The following IQGAP3 variants were observed in gnomAD, a reference collection of about 807,000 sequenced individuals.
IQGAP3 encodes IQ motif containing GTPase activating protein 3.
A neutral mutation model predicts 208.2 loss-of-function variants in IQGAP3; 165 were observed. That is an observed-to-expected ratio of 0.79 (90% CI 0.70 to 0.90). IQGAP3 has a LOEUF of 0.90. IQGAP3 is among the 40% of genes least tolerant of loss of function. IQGAP3 has a pLI of 0.00. For synonymous variants in IQGAP3, 703 were observed against 803.6 expected, an observed-to-expected ratio of 0.87 and a Z score of 2.12; for missense variants, 1,811 against 2,043.1, an observed-to-expected ratio of 0.89 and a Z score of 2.19.
Position 156,527,472 on chromosome 1 carries a change from C to T in IQGAP3, c.4782+480G>A, listed in dbSNP as rs146670142. On this transcript the variant is annotated intron_variant, in intron 37 of 37. Transcript: ENST00000361170. ...CAGCCTGGGTGACGGAGTAAGGCTCCGTCTCAAGAAAACAAACAAACAAAA... is the reference window on the plus strand; with the variant it reads ...CAGCCTGGGTGACGGAGTAAGGCTCTGTCTCAAGAAAACAAACAAACAAAA... Among the ~76,000 whole-genome samples the T allele has an allele frequency of 6.2e-3, 949 of 152,106 alleles. 19 individuals are homozygous for T. Among genetic ancestry groups the T allele is most frequent in the African/African-American group, 0.022 (905 of 41,518 alleles).
rs149973217 is a variant in IQGAP3, at chr1:156,531,549, C to G, written c.4104-302G>C. Among the ~76,000 whole-genome samples the G allele has an allele frequency of 9.3e-4, 141 of 151,802 alleles. 1 individual carries two copies. Among genetic ancestry groups the G allele is most frequent in the African/African-American group, 3.4e-3 (139 of 41,362 alleles). ...TGGTGCTCTGTGTTCAGCCCTAGCC[C>G]GATCCTGCTCTCAGCCCTTTGATGG... On this transcript the variant is annotated intron_variant, in intron 32 of 37. Transcript: ENST00000361170.
chr1:156,560,836 T>C (rs1474660892), intron 11 of IQGAP3, 98 bp downstream of exon 11: 4 of 799,352 alleles, frequency 5.0e-6, no homozygotes, highest in Non-Finnish European at 8.4e-6. Flanking sequence ...ACAGCAGCAG[T>C]GTGTACTGCC....
intron 19 of IQGAP3, 52 bp from the exon 20 acceptor site, chr1:156,544,524 GA>G: frequency 6.7e-7 from 1 of 1,491,072 alleles, no homozygotes. Flanking sequence ...CCTTTGGCCA[GA>G]AAGGCTTTTA....
In IQGAP3 at chr1:156,529,048, C is replaced by G; in HGVS notation, c.4439G>C (p.Arg1480Pro). 6.2e-7 allele frequency: 1 copy of G among 1,614,194 alleles called. No homozygotes were observed. The change falls in exon 35 of 38, where the codon CGG becomes CCG. Residue 1480 changes from arginine (R) to proline (P), a missense_variant. Physicochemically the swap from Arg to Pro is moderately radical, Grantham distance 103. Transcript: ENST00000361170. ...CTGCAGCTTCACCAGCTCTGCCTTC[C>G]GCCTGTGCCTGTGTCTGTGCTGGTT... ...IRNQHRHRHR[R>P]KAELVKLQAT...
chr1:156,527,906 T>C (rs757209436), intron 37 of IQGAP3, 46 bp downstream of exon 37: 3 of 1,377,510 alleles, frequency 2.2e-6, no homozygotes, highest in Non-Finnish European at 3.1e-6. Flanking sequence ...GGCCAGCACC[T>C]AAAGCCCAGC....
intron 26 of IQGAP3, among the ~76,000 whole-genome samples, chr1:156,537,852 T>C (rs1281782760): frequency 1.3e-5 from 2 of 152,092 alleles, no homozygotes; most frequent in Admixed American, 6.6e-5. Context: ...TATTCTTCTA[T>C]ACCCCTATCA....
intron 30 of IQGAP3, 67 bp from the exon 31 acceptor site, chr1:156,533,942 C>G: frequency 6.2e-7 from 1 of 1,607,502 alleles, no homozygotes; most frequent in South Asian, 1.1e-5. Context: ...GGCCAGCCCA[C>G]TACCCCATCA....
chr1:156,566,860 GCTTTTTTTTT>G (rs1676422055), intron 2 of IQGAP3, among the ~76,000 whole-genome samples: 1 of 142,220 alleles, frequency 7.0e-6, no homozygotes, highest in South Asian at 2.2e-4. Context: ...CTAGTTACAT[GCTTTTTTTTT>G]TTTTTTTTTT....
chr1:156,566,006 A>C (rs1460245066), intron 4 of IQGAP3, 21 bp downstream of exon 4: 3 of 1,583,908 alleles, frequency 1.9e-6, no homozygotes, highest in Admixed American at 3.3e-5. Flanking sequence ...GATGAATACC[A>C]ATCTTCAGGC....
chr1:156,550,373 A>G, intron 15 of IQGAP3, 22 bp from the exon 16 acceptor site: 2 of 1,587,588 alleles, frequency 1.3e-6, no homozygotes, highest in Non-Finnish European at 1.7e-6. Flanking sequence ...AGGGAGAAAA[A>G]AAAGATGTGA....
intron 37 of IQGAP3, among the ~76,000 whole-genome samples, chr1:156,527,238 T>C (rs1489605057): frequency 1.3e-5 from 2 of 151,264 alleles, no homozygotes; most frequent in East Asian, 3.9e-4. Flanking sequence ...TCCCAGCATT[T>C]TGGGAGGCTG....
chr1:156,562,596 G>C lies in IQGAP3; in HGVS notation c.868C>G (p.His290Asp). The C allele has an allele frequency of 6.2e-7, 1 of 1,613,746 alleles. No homozygotes were observed. Among genetic ancestry groups the C allele is most frequent in the South Asian group, 1.1e-5 (1 of 91,066 alleles). ...GCTCGAGGTCTCTTACCGTTGACAT[G>C]GTTGATATTGCCCTGGATTTCAGCC... ...TQAEIQGNIN[H>D]VNVHGALEVV... Residue 290 changes from histidine (H) to aspartate (D), a missense_variant, in exon 9 of 38, where the codon CAT (histidine) becomes GAT (aspartate). By Grantham distance (81) the His-to-Asp change is moderately conservative. Transcript: ENST00000361170.
In IQGAP3 at chr1:156,539,868, T is replaced by C; in HGVS notation, c.2862A>G (p.Glu954=). 1 of 1,614,192 alleles carries C rather than the reference T, an allele frequency of 6.2e-7. No individual in the cohort carries two copies. The highest frequency in any genetic ancestry group is 1.1e-5 in the South Asian group (1 of 91,084). Residue 954 remains glutamate (E), a synonymous_variant, in exon 24 of 38, where the codon GAA becomes GAG. Transcript: ENST00000361170. The part of the protein sequence containing the change: ...SLSKEKRQKL[E]AYQHLFYLLQ... ...GCAGGTAGAAGAGGTGTTGGTATGC[T>C]TCTAGTTTCTGCCGTTTCTCTTTGC...
chr1:156,533,269 G>A (rs950865845), intron 31 of IQGAP3, among the ~76,000 whole-genome samples, 163 bp from the exon 32 acceptor site: 3 of 152,098 alleles, frequency 2.0e-5, no homozygotes, highest in Admixed American at 6.5e-5. Context: ...ACTACCCTGT[G>A]TCCCCAACCC....
chr1:156,540,900 A>G lies in IQGAP3; in HGVS notation c.2547T>C (p.Pro849=), dbSNP rs1427514268. 1.9e-6 allele frequency: 3 copies of G among 1,613,552 alleles called. No homozygotes were observed. In the Admixed American group the frequency reaches 5.0e-5, roughly 27 times the overall value. ...CAAATCTGCGTACCACACTGAGAGG[A>G]GGGTGGGGTGCATGCACTGGGAGGA... is the stretch of plus-strand genomic sequence containing the variant. The part of the protein sequence containing the change: ...DYRILVHAPH[P]PLSVVRRFAH... Residue 849 remains proline, a synonymous_variant, in exon 23 of 38, where the codon CCT becomes CCC. Coordinates refer to ENST00000361170, the MANE Select transcript of IQGAP3 (RefSeq NM_178229.5).
intron 37 of IQGAP3, 83 bp downstream of exon 37, chr1:156,527,869 G>A (rs1474807300): frequency 3.3e-6 from 3 of 899,810 alleles, no homozygotes; most frequent in Non-Finnish European, 5.5e-6. Context: ...CTGAGGACTA[G>A]GAAAGTGAGG....
chr1:156,566,608 C>T (rs554417216), intron 2 of IQGAP3, 62 bp from the exon 3 acceptor site: 17 of 1,531,034 alleles, frequency 1.1e-5, no homozygotes, highest in South Asian at 5.9e-5. Context: ...ATTCTAACAA[C>T]AGGAACTTCC....
intron 19 of IQGAP3, among the ~76,000 whole-genome samples, chr1:156,547,388 G>GACACACACACACACACACAC (rs61344699): frequency 1.9e-4 from 28 of 147,392 alleles, no homozygotes; most frequent in Middle Eastern, 3.4e-3. Flanking sequence ...CAGACACACA[G>GACACACACACACACACACAC]ACACACACAC....
At chr1:156,540,075 G>A in intron 23 of IQGAP3, 85 bp from the exon 24 acceptor site, 1 of 1,482,920 alleles carries the variant, frequency 6.7e-7, no homozygotes. Flanking sequence ...GTGCCTTGAA[G>A]AGCCAGGGCT....
Sources: gnomAD v4.1 joint callset for allele counts (sites outside exome capture counted in the v4.1 genomes callset) on GRCh38, gnomAD v4.1.1 for gene constraint, MANE v1.5 for transcripts, NCBI Gene and HGNC (gene_info 2026-07-23, HGNC 2026-07-21) for gene names.